RANBP2: variants seen among roughly 807,000 people sequenced by gnomAD.
RANBP2 encodes E3 SUMO-protein ligase RanBP2.
A neutral mutation model predicts 303.6 loss-of-function variants in RANBP2; 57 were observed. The observed-to-expected ratio is 0.19, with a 90% CI of 0.15 to 0.23. RANBP2 has a LOEUF of 0.23. Among genes scored for constraint, RANBP2 ranks in the 10% least tolerant of loss-of-function variants. The pLI, the probability that RANBP2 is intolerant of heterozygous loss-of-function variation, is 1.00. For synonymous variants in RANBP2, 1,167 were observed against 1,301.5 expected (o/e 0.90, Z 2.23); for missense variants, 3,138 against 3,780.8 (o/e 0.83, Z 4.46).
the RANBP2 span, among the ~76,000 whole-genome samples, chr2:109,077,510 G>T: frequency 6.9e-6 from 1 of 145,926 alleles, no homozygotes; most frequent in Non-Finnish European, 1.5e-5. Context: ...ATGAATCAAT[G>T]AAATGAAAAA....
At chr2:109,205,131 C>G in the RANBP2 span, among the ~76,000 whole-genome samples, 1 of 152,076 alleles carries the variant, frequency 6.6e-6, no homozygotes, top group Non-Finnish European at 1.5e-5. Context: ...GCCTTGAATA[C>G]AAGAGATTGA....
At chr2:108,725,556 T>G (rs557291540) in intron 1 of RANBP2, among the ~76,000 whole-genome samples, 118 of 152,228 alleles carry the variant, frequency 7.8e-4, no homozygotes, top group African/African-American at 2.7e-3. Context: ...GGTCAAGAGA[T>G]CGAGACCATC....
chr2:109,198,511 G>C, the RANBP2 span, among the ~76,000 whole-genome samples: 1 of 152,172 alleles, frequency 6.6e-6, no homozygotes, highest in Non-Finnish European at 1.5e-5. Flanking sequence ...ACCACACACT[G>C]TGTGGCTTAA....
chr2:108,921,167 T>C, the RANBP2 span, among the ~76,000 whole-genome samples: 1 of 151,982 alleles, frequency 6.6e-6, no homozygotes, highest in Non-Finnish European at 1.5e-5. Flanking sequence ...TAGGAGGTAA[T>C]TGCATTGCAC....
the RANBP2 span, among the ~76,000 whole-genome samples, chr2:109,146,756 C>T: frequency 6.6e-6 from 1 of 151,704 alleles, no homozygotes; most frequent in Non-Finnish European, 1.5e-5. Context: ...ACAATCCTTC[C>T]TTCGAAAACT....
the RANBP2 span, among the ~76,000 whole-genome samples, chr2:109,687,876 T>TG: frequency 6.6e-6 from 1 of 152,032 alleles, no homozygotes; most frequent in Non-Finnish European, 1.5e-5. Context: ...CCTGAGTAGC[T>TG]GGGACTACAC....
At chr2:108,964,850 T>C in the RANBP2 span, among the ~76,000 whole-genome samples, 1 of 152,164 alleles carries the variant, frequency 6.6e-6, no homozygotes, top group Non-Finnish European at 1.5e-5. Flanking sequence ...TGTTTGGAAA[T>C]AATTCCACAA....
chr2:109,450,591 C>T, the RANBP2 span, among the ~76,000 whole-genome samples: 1 of 152,154 alleles, frequency 6.6e-6, no homozygotes. Flanking sequence ...TTCCATTAAA[C>T]CCAATATCCA....
chr2:109,565,043 A>G, the RANBP2 span, among the ~76,000 whole-genome samples: 3 of 152,236 alleles, frequency 2.0e-5, no homozygotes, highest in Admixed American at 6.5e-5. Context: ...AAATTAGTGA[A>G]CACACTTACA....
At chr2:109,083,286 C>T in the RANBP2 span, among the ~76,000 whole-genome samples, 1 of 152,168 alleles carries the variant, frequency 6.6e-6, no homozygotes, top group African/African-American at 2.4e-5. Context: ...CAAGCGCTAA[C>T]TCCTCATTCT....
chr2:108,971,185 C>T, the RANBP2 span, among the ~76,000 whole-genome samples: 1 of 152,180 alleles, frequency 6.6e-6, no homozygotes, highest in Non-Finnish European at 1.5e-5. Flanking sequence ...CCGTCTCCAA[C>T]TGGATTCCTT....
the RANBP2 span, among the ~76,000 whole-genome samples, chr2:109,162,793 A>C: frequency 6.6e-6 from 1 of 152,222 alleles, no homozygotes; most frequent in Non-Finnish European, 1.5e-5. Context: ...ATCCCCGAGG[A>C]ATCACCTTTT....
the RANBP2 span, among the ~76,000 whole-genome samples, chr2:109,331,968 GCTGTGACTGT>G: frequency 6.6e-6 from 1 of 152,200 alleles, no homozygotes; most frequent in African/African-American, 2.4e-5. Flanking sequence ...TCTTCCTGGT[GCTGTGACTGT>G]CTGTGACTAG....
chr2:109,479,580 G>A, the RANBP2 span, among the ~76,000 whole-genome samples: 525 of 152,290 alleles, frequency 3.4e-3, 18 homozygotes, highest in East Asian at 0.06. Flanking sequence ...GCAGCAGCCA[G>A]GGCAGGGCCA....
chr2:109,172,118 G>A, the RANBP2 span, among the ~76,000 whole-genome samples: 2 of 152,238 alleles, frequency 1.3e-5, no homozygotes, highest in Non-Finnish European at 2.9e-5. Context: ...GCAATGACCT[G>A]GGGCAGAGCG....
the RANBP2 span, among the ~76,000 whole-genome samples, chr2:108,796,952 G>T: frequency 6.6e-6 from 1 of 152,206 alleles, no homozygotes. Flanking sequence ...ATATTTTAAA[G>T]TGGCTAGAGA....
chr2:109,506,556 A>G, the RANBP2 span, among the ~76,000 whole-genome samples: 1 of 152,224 alleles, frequency 6.6e-6, no homozygotes, highest in Non-Finnish European at 1.5e-5. Context: ...GATGGAGGGA[A>G]GGGAGACTAT....
At chr2:109,546,236 A>G in the RANBP2 span, 2 of 1,541,108 alleles carry the variant, frequency 1.3e-6, no homozygotes, top group Middle Eastern at 3.5e-4. Flanking sequence ...TTTGGCCTGT[A>G]GCTGGAAACA....
At chr2:109,555,750 C>G in the RANBP2 span, among the ~76,000 whole-genome samples, 3 of 152,184 alleles carry the variant, frequency 2.0e-5, no homozygotes, top group Non-Finnish European at 4.4e-5. Flanking sequence ...TTCTTTCTAC[C>G]CAATAAATAC....
Sources: gnomAD v4.1 joint callset for allele counts (sites outside exome capture counted in the v4.1 genomes callset) on GRCh38, gnomAD v4.1.1 for gene constraint, MANE v1.5 for transcripts, NCBI Gene and HGNC (gene_info 2026-07-23, HGNC 2026-07-21) for gene names.